The following PKIG variants were observed in gnomAD, a reference collection of about 807,000 sequenced individuals.
PKIG encodes the protein cAMP-dependent protein kinase inhibitor gamma.
PKIG carries 1 observed loss-of-function variant against 6.8 expected under a neutral mutation model. That is an observed-to-expected ratio of 0.15 (90% CI 0.05 to 0.69). The LOEUF (loss-of-function observed/expected upper bound fraction) is 0.69. PKIG is among the 30% of genes least tolerant of loss of function. The probability of loss-of-function intolerance (pLI) is 0.82; values close to 1 mark genes in which losing one functional copy is unlikely to be tolerated. For missense variants in PKIG, 77 were observed against 104.0 expected, an observed-to-expected ratio of 0.74 and a Z score of 1.13; for synonymous variants, 39 against 43.0, an observed-to-expected ratio of 0.91 and a Z score of 0.36.
chr20:44,540,803 A>C (rs2064554892), intron 1 of PKIG, among the ~76,000 whole-genome samples: 1 of 152,022 alleles, frequency 6.6e-6, no homozygotes, highest in Non-Finnish European at 1.5e-5. Flanking sequence ...GCTGATCTTG[A>C]ACTCTTGACC....
intron 1 of PKIG, among the ~76,000 whole-genome samples, chr20:44,544,644 C>T (rs934966752): frequency 6.6e-6 from 1 of 152,198 alleles, no homozygotes; most frequent in Non-Finnish European, 1.5e-5. Context: ...TACCCTAAGT[C>T]CCAACCACCA....
intron 2 of PKIG, among the ~76,000 whole-genome samples, chr20:44,591,998 C>T (rs1318623912): frequency 1.3e-5 from 2 of 152,180 alleles, no homozygotes; most frequent in African/African-American, 4.8e-5. Context: ...GGGGAGGGAG[C>T]AAACACTGAC....
intron 1 of PKIG, among the ~76,000 whole-genome samples, chr20:44,542,403 A>C (rs543067409): frequency 4.6e-5 from 7 of 152,140 alleles, no homozygotes; most frequent in Non-Finnish European, 8.8e-5. Flanking sequence ...AATCACCAGA[A>C]TGAAACTTAA....
chr20:44,554,291 C>G (rs1233949075), intron 1 of PKIG, among the ~76,000 whole-genome samples: 1 of 152,034 alleles, frequency 6.6e-6, no homozygotes, highest in Non-Finnish European at 1.5e-5. Flanking sequence ...CCATGTTGGT[C>G]AGGCTGGTCT....
intron 1 of PKIG, among the ~76,000 whole-genome samples, chr20:44,536,190 G>A (rs1026830006): frequency 7.2e-5 from 11 of 152,120 alleles, no homozygotes; most frequent in Admixed American, 5.9e-4. Context: ...TGTTTATACC[G>A]CACTTTGTTT....
At chr20:44,542,511 T>C (rs900277364) in intron 1 of PKIG, among the ~76,000 whole-genome samples, 2 of 152,200 alleles carry the variant, frequency 1.3e-5, no homozygotes, top group Non-Finnish European at 2.9e-5. Context: ...GGCTTAACTT[T>C]CATTGGTTTT....
chr20:44,567,387 G>A (rs528786243), intron 1 of PKIG, among the ~76,000 whole-genome samples: 148 of 152,348 alleles, frequency 9.7e-4, no homozygotes, highest in African/African-American at 3.5e-3. Context: ...CTCAGAGGCT[G>A]CTCAGGGCAT....
intron 1 of PKIG, among the ~76,000 whole-genome samples, chr20:44,566,732 G>C (rs2064814036): frequency 6.6e-6 from 1 of 152,180 alleles, no homozygotes; most frequent in African/African-American, 2.4e-5. Context: ...TGTAATCCCA[G>C]CTACTCGGGA....
intron 1 of PKIG, among the ~76,000 whole-genome samples, chr20:44,588,596 A>G (rs1484692865): frequency 2.0e-5 from 3 of 152,086 alleles, no homozygotes; most frequent in Non-Finnish European, 2.9e-5. Context: ...GTGAGCTGAG[A>G]TTGTGCCATT....
At chr20:44,566,524 A>G (rs2064812357) in intron 1 of PKIG, among the ~76,000 whole-genome samples, 1 of 152,162 alleles carries the variant, frequency 6.6e-6, no homozygotes, top group Non-Finnish European at 1.5e-5. Context: ...TTTTCATTCT[A>G]TTCTATACCG....
intron 1 of PKIG, among the ~76,000 whole-genome samples, chr20:44,585,885 T>C (rs1382177119): frequency 6.6e-6 from 1 of 152,046 alleles, no homozygotes; most frequent in Non-Finnish European, 1.5e-5. Flanking sequence ...TAGAGGGCAG[T>C]GAGAAATTGG....
chr20:44,583,961 A>G (rs1362423738), intron 1 of PKIG, among the ~76,000 whole-genome samples: 4 of 152,164 alleles, frequency 2.6e-5, no homozygotes, highest in Non-Finnish European at 5.9e-5. Flanking sequence ...GTTCTTGAAG[A>G]AAGAGAAAGA....
At chr20:44,602,512 T>C (rs1426009819) in intron 2 of PKIG, among the ~76,000 whole-genome samples, 1 of 152,126 alleles carries the variant, frequency 6.6e-6, no homozygotes, top group Admixed American at 6.6e-5. Context: ...CTCAGTACAT[T>C]GAATGAATAA....
At chr20:44,573,521 C>CTTGGGGTTGATGAGAAAA (rs1352277383) in intron 1 of PKIG, among the ~76,000 whole-genome samples, 1 of 152,186 alleles carries the variant, frequency 6.6e-6, no homozygotes, top group African/African-American at 2.4e-5. Context: ...CCTCCTGTTT[C>CTTGGGGTTGATGAGAAAA]TTGGGGTTGA....
At chr20:44,581,326 A>C (rs1015337183), upstream of PKIG, among the ~76,000 whole-genome samples, 13 of 152,216 alleles carry the variant, frequency 8.5e-5, no homozygotes, top group African/African-American at 3.1e-4. Flanking sequence ...TATGTACCAA[A>C]TACTTTCAGT....
At chr20:44,533,182 G>A (rs2064482960) in intron 1 of PKIG, among the ~76,000 whole-genome samples, 1 of 152,132 alleles carries the variant, frequency 6.6e-6, no homozygotes, top group Non-Finnish European at 1.5e-5. Flanking sequence ...ATGTGTGTGT[G>A]TGACAGTGTG....
chr20:44,607,086 G>A (rs1432815843), intron 2 of PKIG, among the ~76,000 whole-genome samples: 1 of 152,172 alleles, frequency 6.6e-6, no homozygotes, highest in Non-Finnish European at 1.5e-5. Context: ...GGCAATACCT[G>A]TTATAATAAA....
intron 1 of PKIG, among the ~76,000 whole-genome samples, chr20:44,544,307 A>T (rs923403377): frequency 1.5e-4 from 23 of 149,730 alleles, no homozygotes; most frequent in South Asian, 6.4e-4. Context: ...TGTTAGGAAA[A>T]TTTTTTTTTT....
intron 1 of PKIG, among the ~76,000 whole-genome samples, chr20:44,565,989 T>G (rs2123266548): frequency 6.6e-6 from 1 of 152,356 alleles, no homozygotes; most frequent in East Asian, 1.9e-4. Flanking sequence ...CTCGAACTCC[T>G]GACCTCAGGT....
Sources: allele counts gnomAD v4.1 joint callset (sites outside exome capture counted in the v4.1 genomes callset), GRCh38; gene constraint gnomAD v4.1.1; transcripts MANE v1.5; gene names NCBI Gene and HGNC (gene_info 2026-07-23, HGNC 2026-07-21).